CRLF3: variants seen among roughly 807,000 people sequenced by gnomAD.
CRLF3 encodes cytokine receptor like factor 3.
In CRLF3, 33 loss-of-function variants were observed where a neutral mutation model predicts 55.0. The ratio of observed to expected loss-of-function variants is 0.60; its 90% confidence interval spans 0.46 to 0.80. The LOEUF (loss-of-function observed/expected upper bound fraction) is 0.80, where lower values mean the gene tolerates loss of function less well. Among genes scored for constraint, CRLF3 ranks in the 30% least tolerant of loss-of-function variants. CRLF3 has a pLI of 0.00. For synonymous variants in CRLF3, 238 were observed against 196.8 expected, an observed-to-expected ratio of 1.21 and a Z score of -1.75; for missense variants, 494 against 538.4, an observed-to-expected ratio of 0.92 and a Z score of 0.82.
At chr17:30,815,007 A>C (rs1186446211) in intron 1 of CRLF3, among the ~76,000 whole-genome samples, 1 of 151,506 alleles carries the variant, frequency 6.6e-6, no homozygotes, top group Non-Finnish European at 1.5e-5. Flanking sequence ...CCGTCTTTAA[A>C]AAACAAAAAA....
intron 4 of CRLF3, among the ~76,000 whole-genome samples, chr17:30,795,237 T>A (rs142262120): frequency 1.4e-4 from 21 of 152,224 alleles, no homozygotes; most frequent in African/African-American, 4.8e-4. Context: ...TCCCAGCACT[T>A]TGGGAGGCCG....
chr17:30,799,687 T>G lies in CRLF3; in HGVS notation c.338-2289A>C, dbSNP rs1252961953. On this transcript the variant is annotated intron_variant, in intron 2 of 7. Coordinates refer to ENST00000324238, the MANE Select transcript of CRLF3 (RefSeq NM_015986.4). ...GCCCAGCTAATTTTTGTATTTTTAGTAGAGACGGGGTTTCACCATGTTGGC... is the reference window on the plus strand; with the variant it reads ...GCCCAGCTAATTTTTGTATTTTTAGGAGAGACGGGGTTTCACCATGTTGGC... Among the ~76,000 whole-genome samples the G allele has an allele frequency of 3.3e-5, 5 of 152,130 alleles. No individual in the cohort carries two copies. The East Asian group carries it at 9.6e-4, about 29-fold the overall frequency.
chr17:30,818,821 T>G (rs1904893270), intron 1 of CRLF3, among the ~76,000 whole-genome samples: 1 of 142,860 alleles, frequency 7.0e-6, no homozygotes, highest in African/African-American at 2.7e-5. Context: ...AACTTTTGAG[T>G]GTTTTTTTTT....
At chr17:30,792,268 G>A (rs55961983) in intron 6 of CRLF3, 172 bp downstream of exon 6, 72,158 of 543,118 alleles carry the variant, frequency 0.13, 5,355 homozygotes, top group South Asian at 0.25. Flanking sequence ...TAATAACCCT[G>A]TGAATACAGA....
intron 2 of CRLF3, among the ~76,000 whole-genome samples, chr17:30,801,761 C>G (rs1972010504): frequency 6.6e-6 from 1 of 152,006 alleles, no homozygotes; most frequent in Admixed American, 6.6e-5. Context: ...TCTTTTCCCT[C>G]TAGTCTTACA....
chr17:30,819,891 C>A (rs1235364693), intron 1 of CRLF3, among the ~76,000 whole-genome samples: 1 of 152,178 alleles, frequency 6.6e-6, no homozygotes, highest in Non-Finnish European at 1.5e-5. Flanking sequence ...GGGCAGTGAT[C>A]TATTTCCTTG....
At chr17:30,804,406 A>T (rs996008576) in intron 1 of CRLF3, among the ~76,000 whole-genome samples, 1 of 152,232 alleles carries the variant, frequency 6.6e-6, no homozygotes, top group Middle Eastern at 3.4e-3. Context: ...ATTATTAACT[A>T]TTGTCCCTAT....
At chr17:30,803,291 C>T (rs563306414) in intron 2 of CRLF3, among the ~76,000 whole-genome samples, 1 of 152,254 alleles carries the variant, frequency 6.6e-6, no homozygotes, top group East Asian at 1.9e-4. Flanking sequence ...ATCAAAACAT[C>T]TCAATGTGCC....
chr17:30,815,517 C>T (rs975121134), intron 1 of CRLF3, among the ~76,000 whole-genome samples: 5 of 150,074 alleles, frequency 3.3e-5, no homozygotes, highest in African/African-American at 1.2e-4. Context: ...CCACCCTGCC[C>T]GACCAGAAAA....
intron 6 of CRLF3, 113 bp downstream of exon 6, chr17:30,792,327 C>G: frequency 1.0e-6 from 1 of 966,976 alleles, no homozygotes; most frequent in South Asian, 1.9e-5. Flanking sequence ...CACAGTAACA[C>G]TGCCTATAAA....
At chr17:30,799,568 C>T (rs1265855238) in intron 2 of CRLF3, among the ~76,000 whole-genome samples, 1 of 150,434 alleles carries the variant, frequency 6.6e-6, no homozygotes, top group Non-Finnish European at 1.5e-5. Context: ...TTGCTCTTGT[C>T]GCCCAGACTG....
chr17:30,788,242 C>T lies in CRLF3; in HGVS notation c.960-2211G>A, dbSNP rs563393702. Among the ~76,000 whole-genome samples, 10 of 150,814 alleles carry T rather than the reference C, an allele frequency of 6.6e-5. No individual in the cohort carries two copies. The East Asian group carries it at 1.2e-3, about 18-fold the overall frequency. The stretch of plus-strand genomic sequence containing the variant: ...ACTCAGGAGGCTGAGGTGAGAGGGT[C>T]GCTTGAACCTGAGAGGTGGAGGTTG... On this transcript the variant is annotated intron_variant, in intron 6 of 7. Coordinates refer to ENST00000324238, the MANE Select transcript of CRLF3 (RefSeq NM_015986.4).
Position 30,783,076 on chromosome 17 carries a change from A to G in CRLF3, c.*1111T>C, listed in dbSNP as rs1362255253. 2 of 152,198 alleles carry G rather than the reference A, an allele frequency of 1.3e-5. No homozygotes were observed. Among genetic ancestry groups the G allele is most frequent in the South Asian group, 2.1e-4 (1 of 4,830 alleles). 9.4% of individuals were successfully genotyped at this position (152,198 alleles called of 1,614,324 possible). On this transcript the variant is annotated 3_prime_UTR_variant, in exon 8 of 8. Coordinates refer to ENST00000324238, the MANE Select transcript of CRLF3 (RefSeq NM_015986.4). Reference sequence around the variant, plus strand: ...TTTTTTGCTCTGCTAAAAAGAGACCACTTATTAAACTGACATTAAACTGGA... The same window carrying G: ...TTTTTTGCTCTGCTAAAAAGAGACCGCTTATTAAACTGACATTAAACTGGA...
intron 2 of CRLF3, 65 bp downstream of exon 2, chr17:30,803,836 A>G: frequency 1.7e-6 from 2 of 1,201,576 alleles, no homozygotes; most frequent in South Asian, 2.5e-5. Context: ...AGTTTCAGGT[A>G]TGTCTTTATC....
chr17:30,818,327 C>T (rs1206696274), intron 1 of CRLF3, among the ~76,000 whole-genome samples: 1 of 151,892 alleles, frequency 6.6e-6, no homozygotes, highest in Non-Finnish European at 1.5e-5. Flanking sequence ...TCTTAGAATA[C>T]TATAATAGGG....
intron 1 of CRLF3, among the ~76,000 whole-genome samples, chr17:30,806,360 A>C (rs1339188953): frequency 6.6e-6 from 1 of 152,208 alleles, no homozygotes; most frequent in Non-Finnish European, 1.5e-5. Flanking sequence ...TGGAGCAGTA[A>C]TTATGAAACT....
intron 6 of CRLF3, chr17:30,786,841 C>G (rs1159796834): frequency 6.6e-6 from 1 of 152,486 alleles, no homozygotes; most frequent in East Asian, 1.9e-4. Flanking sequence ...GCTGGGATTA[C>G]AGGGATGCAC....
intron 2 of CRLF3, among the ~76,000 whole-genome samples, chr17:30,802,332 G>A (rs1972019297): frequency 6.6e-6 from 1 of 152,144 alleles, no homozygotes; most frequent in Non-Finnish European, 1.5e-5. Flanking sequence ...ATGTTGGCCA[G>A]GATGGTCTTG....
intron 2 of CRLF3, among the ~76,000 whole-genome samples, chr17:30,803,046 TC>T (rs922659574): frequency 1.3e-5 from 2 of 151,434 alleles, no homozygotes; most frequent in African/African-American, 4.9e-5. Context: ...GCGCCTGTAA[TC>T]CCAGCTATTT....
Sources: gnomAD v4.1 joint callset for allele counts (sites outside exome capture counted in the v4.1 genomes callset) on GRCh38, gnomAD v4.1.1 for gene constraint, MANE v1.5 for transcripts, NCBI Gene and HGNC (gene_info 2026-07-23, HGNC 2026-07-21) for gene names.